The following PLCB4 variants were observed in gnomAD, a reference collection of about 807,000 sequenced individuals.
The protein encoded by PLCB4 is 1-phosphatidylinositol 4,5-bisphosphate phosphodiesterase beta-4.
In PLCB4, 77 loss-of-function variants were observed where a neutral mutation model predicts 178.8. The ratio of observed to expected loss-of-function variants is 0.43; its 90% CI spans 0.36 to 0.52. PLCB4 has a LOEUF of 0.52. Among genes scored for constraint, PLCB4 ranks in the 20% least tolerant of loss-of-function variants. PLCB4 has a pLI of 0.00. For missense variants in PLCB4, 1,024 were observed against 1,453.4 expected (o/e 0.70, Z 4.80); for synonymous variants, 496 against 490.8 (o/e 1.01, Z -0.14).
At chr20:9,312,023 A>G (rs995364301) in intron 4 of PLCB4, among the ~76,000 whole-genome samples, 3 of 152,160 alleles carry the variant, frequency 2.0e-5, no homozygotes, top group African/African-American at 7.2e-5. Context: ...GATGGCATAG[A>G]TAATCAACTC....
chr20:9,286,360 A>G (rs1754018178), intron 3 of PLCB4, among the ~76,000 whole-genome samples: 1 of 151,996 alleles, frequency 6.6e-6, no homozygotes. Flanking sequence ...TGTTTATCAT[A>G]TGAGGAGGTG....
chr20:9,164,540 A>G (rs2092939408), intron 2 of PLCB4, among the ~76,000 whole-genome samples: 1 of 152,204 alleles, frequency 6.6e-6, no homozygotes, highest in Non-Finnish European at 1.5e-5. Context: ...TAGAATCTAT[A>G]TAAACTGAAG....
intron 2 of PLCB4, among the ~76,000 whole-genome samples, chr20:9,160,560 C>G (rs2092870919): frequency 6.6e-6 from 1 of 152,114 alleles, no homozygotes; most frequent in African/African-American, 2.4e-5. Flanking sequence ...TTATAGCTTC[C>G]TGAAGAAATA....
intron 2 of PLCB4, among the ~76,000 whole-genome samples, chr20:9,148,567 C>T (rs1360736950): frequency 7.9e-5 from 12 of 152,002 alleles, no homozygotes; most frequent in Non-Finnish European, 1.0e-4. Flanking sequence ...TCAGGGAAGT[C>T]AACAGAGGAC....
intron 2 of PLCB4, among the ~76,000 whole-genome samples, chr20:9,176,914 T>C (rs2093165168): frequency 6.6e-6 from 1 of 152,172 alleles, no homozygotes; most frequent in African/African-American, 2.4e-5. Flanking sequence ...ACTTCTGGTA[T>C]TGTATCATGC....
chr20:9,289,999 G>T (rs1224667708), intron 3 of PLCB4, among the ~76,000 whole-genome samples: 1 of 151,960 alleles, frequency 6.6e-6, no homozygotes, highest in Non-Finnish European at 1.5e-5. Context: ...GAGCAGAGTG[G>T]TGACTTTCAT....
chr20:9,184,576 G>A (rs1418767494), intron 2 of PLCB4, among the ~76,000 whole-genome samples: 1 of 145,392 alleles, frequency 6.9e-6, no homozygotes, highest in Non-Finnish European at 1.5e-5. Flanking sequence ...ACCATTTGAG[G>A]GTGGTGACCC....
At position 9,435,647 on chromosome 20, in the gene PLCB4, C is replaced by T; in HGVS notation, c.2612C>T (p.Thr871Ile). Reference sequence around the variant, plus strand: ...CAAATGAGAGCTATGGGCATTGAAACTGTAAGTAGAAATGGTTGATTAAAG... The same window carrying T: ...CAAATGAGAGCTATGGGCATTGAAATTGTAAGTAGAAATGGTTGATTAAAG... ...ADQMRAMGIETSDIADVPSDT... is the reference protein window; with the variant it reads ...ADQMRAMGIEISDIADVPSDT... Residue 871 changes from threonine (T) to isoleucine (I), a missense_variant and splice_region_variant, in exon 29 of 40, where the codon ACT (threonine) becomes ATT (isoleucine). Coordinates refer to ENST00000378473, the MANE Select transcript of PLCB4 (RefSeq NM_001377142.1). 6.4e-7 allele frequency: 1 copy of T among 1,561,702 alleles called. No individual in the cohort carries two copies. The highest frequency in any genetic ancestry group is 8.8e-7 in the Non-Finnish European group (1 of 1,134,588).
chr20:9,465,589 C>G (rs1166199157), intron 35 of PLCB4, among the ~76,000 whole-genome samples: 1 of 152,232 alleles, frequency 6.6e-6, no homozygotes, highest in South Asian at 2.1e-4. Context: ...AGCAAAGTCT[C>G]AGGATACAAA....
At chr20:9,440,536 A>T (rs6118618) in intron 30 of PLCB4, among the ~76,000 whole-genome samples, 1 of 152,104 alleles carries the variant, frequency 6.6e-6, no homozygotes, top group Non-Finnish European at 1.5e-5. Flanking sequence ...AACCATCTGT[A>T]TGTCAGGTTC....
At chr20:9,413,749 C>T (rs2040039628) in intron 25 of PLCB4, among the ~76,000 whole-genome samples, 1 of 151,474 alleles carries the variant, frequency 6.6e-6, no homozygotes, top group Non-Finnish European at 1.5e-5. Context: ...TGCAGTGTCT[C>T]ACTCTCTCCA....
At chr20:9,356,893 A>G (rs185697106) in intron 7 of PLCB4, among the ~76,000 whole-genome samples, 180 of 152,294 alleles carry the variant, frequency 1.2e-3, no homozygotes, top group African/African-American at 4.3e-3. Flanking sequence ...AAGCAGATAC[A>G]TAGCTTGAGC....
chr20:9,426,028 C>T (rs2040979742), intron 28 of PLCB4, among the ~76,000 whole-genome samples: 1 of 151,888 alleles, frequency 6.6e-6, no homozygotes, highest in South Asian at 2.1e-4. Flanking sequence ...AGTCTGTGTT[C>T]CCTGGAGTAT....
chr20:9,210,304 C>T (rs2093659993), intron 2 of PLCB4, among the ~76,000 whole-genome samples: 2 of 152,110 alleles, frequency 1.3e-5, no homozygotes. Context: ...TAGATGCTTT[C>T]TCGGGAGGGG....
intron 2 of PLCB4, among the ~76,000 whole-genome samples, chr20:9,215,548 T>C (rs780511112): frequency 7.9e-5 from 12 of 152,242 alleles, no homozygotes; most frequent in Non-Finnish European, 1.6e-4. Context: ...TCAGGGTACA[T>C]GATGCTGTGT....
chr20:9,131,428 C>T (rs1246147575), intron 2 of PLCB4, among the ~76,000 whole-genome samples: 1 of 152,118 alleles, frequency 6.6e-6, no homozygotes, highest in Admixed American at 6.6e-5. Flanking sequence ...TATTGGATCT[C>T]TGTGACTGGT....
At chr20:9,103,082 T>C (rs890081375) in intron 2 of PLCB4, among the ~76,000 whole-genome samples, 13 of 150,610 alleles carry the variant, frequency 8.6e-5, no homozygotes, top group Non-Finnish European at 1.5e-4. Context: ...TGGAGTGCAG[T>C]GGCGGGATCT....
At chr20:9,135,023 G>T (rs769786575) in intron 2 of PLCB4, among the ~76,000 whole-genome samples, 25 of 151,978 alleles carry the variant, frequency 1.6e-4, no homozygotes, top group Admixed American at 3.9e-4. Flanking sequence ...TTCAAGGCAA[G>T]AATTATAATC....
chr20:9,454,386 C>A (rs971939073), intron 33 of PLCB4, among the ~76,000 whole-genome samples: 1 of 152,148 alleles, frequency 6.6e-6, no homozygotes, highest in Non-Finnish European at 1.5e-5. Flanking sequence ...TTCCATGAGA[C>A]CACGCATACA....
Sources: allele counts gnomAD v4.1 joint callset (sites outside exome capture counted in the v4.1 genomes callset), GRCh38; gene constraint gnomAD v4.1.1; transcripts MANE v1.5; gene names NCBI Gene and HGNC (gene_info 2026-07-23, HGNC 2026-07-21).